Variants in PRPSAP2 observed in about 807,000 individuals in gnomAD.
The protein encoded by PRPSAP2 is phosphoribosyl pyrophosphate synthetase associated protein 2, also known as phosphoribosyl pyrophosphate synthase-associated protein 2.
A neutral mutation model predicts 40.6 loss-of-function variants in PRPSAP2; 24 were observed. The ratio of observed to expected loss-of-function variants is 0.59; its 90% CI spans 0.43 to 0.83. PRPSAP2 has a LOEUF of 0.83. PRPSAP2 is among the 40% of genes least tolerant of loss of function. The pLI, the probability that PRPSAP2 is intolerant of heterozygous loss-of-function variation, is 0.00. For missense variants in PRPSAP2, 292 were observed against 465.6 expected, an observed-to-expected ratio of 0.63 and a Z score of 3.43; for synonymous variants, 149 against 164.7, an observed-to-expected ratio of 0.90 and a Z score of 0.73.
At chr17:18,869,947 A>G (rs1435464389) in intron 4 of PRPSAP2, among the ~76,000 whole-genome samples, 1 of 150,446 alleles carries the variant, frequency 6.6e-6, no homozygotes, top group Non-Finnish European at 1.5e-5. Context: ...TCTCAGGTTC[A>G]AGCGATACTC....
At chr17:18,889,725 T>C in intron 7 of PRPSAP2, 97 bp from the exon 8 acceptor site, 1 of 980,842 alleles carries the variant, frequency 1.0e-6, no homozygotes, top group Non-Finnish European at 1.5e-6. Context: ...ACTTTTTCTT[T>C]TTTTGGAAAA....
At chr17:18,864,073 C>T (rs746322569) in intron 1 of PRPSAP2, among the ~76,000 whole-genome samples, 3 of 151,242 alleles carry the variant, frequency 2.0e-5, no homozygotes, top group African/African-American at 7.3e-5. Context: ...AGGCTGGTCT[C>T]GAACTCCTGG....
intron 9 of PRPSAP2, among the ~76,000 whole-genome samples, chr17:18,915,882 C>T (rs1047820181): frequency 6.6e-6 from 1 of 151,336 alleles, no homozygotes; most frequent in Non-Finnish European, 1.5e-5. Flanking sequence ...TGCAGTGGTA[C>T]GATTTTGGCT....
chr17:18,900,130 C>T (rs1362678501), intron 8 of PRPSAP2, among the ~76,000 whole-genome samples: 2 of 151,804 alleles, frequency 1.3e-5, no homozygotes, highest in Non-Finnish European at 2.9e-5. Context: ...CGTGATCTGC[C>T]CGCCTCAGCC....
At chr17:18,910,002 A>C (rs1242750387) in intron 8 of PRPSAP2, among the ~76,000 whole-genome samples, 1 of 152,240 alleles carries the variant, frequency 6.6e-6, no homozygotes, top group Non-Finnish European at 1.5e-5. Flanking sequence ...CGGAAAGCTC[A>C]GCAATACATA....
chr17:18,871,998 C>T (rs2037919088), intron 4 of PRPSAP2, among the ~76,000 whole-genome samples: 2 of 152,070 alleles, frequency 1.3e-5, no homozygotes, highest in Non-Finnish European at 2.9e-5. Context: ...AGGCTGGGCA[C>T]GGTAGCTCAC....
At chr17:18,862,386 G>A (rs1399374334) in intron 1 of PRPSAP2, among the ~76,000 whole-genome samples, 1 of 152,106 alleles carries the variant, frequency 6.6e-6, no homozygotes, top group Non-Finnish European at 1.5e-5. Flanking sequence ...CATTCTAAGT[G>A]TTCCAACTCC....
At chr17:18,884,422 T>G (rs2038987074) in intron 7 of PRPSAP2, among the ~76,000 whole-genome samples, 1 of 152,148 alleles carries the variant, frequency 6.6e-6, no homozygotes, top group Non-Finnish European at 1.5e-5. Context: ...CACTGCAACC[T>G]TGAACTCCTG....
intron 1 of PRPSAP2, among the ~76,000 whole-genome samples, chr17:18,862,093 G>A (rs868664475): frequency 8.5e-5 from 13 of 152,248 alleles, no homozygotes; most frequent in South Asian, 8.3e-4. Flanking sequence ...TCACCATGTT[G>A]GCCAGACTGG....
chr17:18,929,348 CTCT>C (rs2042135630), intron 11 of PRPSAP2, among the ~76,000 whole-genome samples: 1 of 137,528 alleles, frequency 7.3e-6, no homozygotes, highest in Non-Finnish European at 1.5e-5. Flanking sequence ...CAGAATGAGA[CTCT>C]TGTCTCAAAT....
chr17:18,872,963 C>T (rs1470315616), intron 5 of PRPSAP2, among the ~76,000 whole-genome samples: 1 of 151,680 alleles, frequency 6.6e-6, no homozygotes, highest in Non-Finnish European at 1.5e-5. Context: ...TTGCCTCAGC[C>T]TCCCGAGTAG....
At chr17:18,876,876 G>C (rs2038339823) in intron 5 of PRPSAP2, among the ~76,000 whole-genome samples, 1 of 152,198 alleles carries the variant, frequency 6.6e-6, no homozygotes, top group Admixed American at 6.5e-5. Flanking sequence ...GCTGCTGTGG[G>C]AGGACTGAAC....
At chr17:18,870,121 A>T (rs1413916473) in intron 4 of PRPSAP2, among the ~76,000 whole-genome samples, 3 of 152,090 alleles carry the variant, frequency 2.0e-5, no homozygotes, top group Non-Finnish European at 4.4e-5. Flanking sequence ...CTATTTTCCT[A>T]CATTTTTAAT....
chr17:18,865,567 A>T lies in PRPSAP2; in HGVS notation c.-33+3A>T, dbSNP rs1231447803. 2 of 178,010 alleles carry T rather than the reference A, an allele frequency of 1.1e-5. No individual in the cohort carries two copies. The highest frequency in any genetic ancestry group is 2.4e-5 in the African/African-American group (1 of 42,422). 11.0% of individuals were successfully genotyped at this position (178,010 alleles called of 1,614,324 possible). The stretch of plus-strand genomic sequence containing the variant: ...AGCTCTTCAGCTCCGCCTTTCTTGT[A>T]AGTTTATCATTTCTTCTTAGTGGTT... On this transcript the variant is annotated splice_donor_region_variant and intron_variant, in intron 2 of 11. Coordinates refer to ENST00000268835, the MANE Select transcript of PRPSAP2 (RefSeq NM_002767.4).
intron 8 of PRPSAP2, among the ~76,000 whole-genome samples, chr17:18,892,752 T>TG (rs1173479462): frequency 6.7e-6 from 1 of 150,254 alleles, no homozygotes; most frequent in African/African-American, 2.5e-5. Flanking sequence ...TTTATTTTTT[T>TG]GAGACAGAGT....
intron 9 of PRPSAP2, among the ~76,000 whole-genome samples, chr17:18,912,409 T>C (rs760471496): frequency 6.6e-6 from 1 of 152,126 alleles, no homozygotes; most frequent in Non-Finnish European, 1.5e-5. Context: ...CAGCATGAAT[T>C]TGGAAGGACA....
At chr17:18,875,816 T>C (rs1295287372) in intron 5 of PRPSAP2, among the ~76,000 whole-genome samples, 1 of 145,214 alleles carries the variant, frequency 6.9e-6, no homozygotes, top group East Asian at 2.0e-4. Flanking sequence ...ATGGCGCCAC[T>C]ATACTCCAGG....
chr17:18,865,629 G>C (rs889046133), intron 2 of PRPSAP2, 65 bp downstream of exon 2: 3 of 266,838 alleles, frequency 1.1e-5, no homozygotes, highest in East Asian at 6.8e-5. Flanking sequence ...CATAAATTTA[G>C]GACCCTGAAA....
chr17:18,876,673 T>C lies in PRPSAP2; in HGVS notation c.240-1025T>C, dbSNP rs2038323101. On this transcript the variant is annotated intron_variant, in intron 5 of 11. Coordinates refer to ENST00000268835, the MANE Select transcript of PRPSAP2 (RefSeq NM_002767.4). ...AGATTATCTAGAAGGTGATGAATGG[T>C]TTGGAAAAAAATAAGACAGCATGGT... is the stretch of plus-strand genomic sequence containing the variant. Among the ~76,000 whole-genome samples, 3 of 151,986 alleles carry C rather than the reference T, an allele frequency of 2.0e-5. No homozygotes were observed. The South Asian group carries it at 6.3e-4, about 32-fold the overall frequency.
Sources: gnomAD v4.1 joint callset for allele counts (sites outside exome capture counted in the v4.1 genomes callset) on GRCh38, gnomAD v4.1.1 for gene constraint, MANE v1.5 for transcripts, NCBI Gene and HGNC (gene_info 2026-07-23, HGNC 2026-07-21) for gene names.